The following SOX5 variants were observed in gnomAD, a reference collection of about 807,000 sequenced individuals.
SOX5 encodes the protein transcription factor SOX-5.
SOX5 carries 9 observed loss-of-function variants against 92.0 expected under a neutral mutation model. The observed-to-expected ratio is 0.10, with a 90% confidence interval of 0.06 to 0.17. SOX5 has a LOEUF of 0.17. Among genes scored for constraint, SOX5 ranks in the 10% least tolerant of loss-of-function variants. The pLI is 1.00. For missense variants in SOX5, 642 were observed against 944.5 expected, an observed-to-expected ratio of 0.68 and a Z score of 4.20; for synonymous variants, 344 against 336.3, an observed-to-expected ratio of 1.02 and a Z score of -0.25.
At chr12:24,047,361 G>C (rs112937799) in intron 4 of SOX5, among the ~76,000 whole-genome samples, 1 of 152,088 alleles carries the variant, frequency 6.6e-6, no homozygotes, top group Non-Finnish European at 1.5e-5. Context: ...GAAGCAAAAA[G>C]GATTGAGGTT....
At chr12:23,586,643 CT>C (rs112567903) in intron 9 of SOX5, among the ~76,000 whole-genome samples, 35,783 of 145,084 alleles carry the variant, frequency 0.25, 4,820 homozygotes, top group East Asian at 0.35. Context: ...CCTTAGACCA[CT>C]TTTTTTTTTT....
At chr12:23,674,925 CATAG>C (rs1226070870) in intron 6 of SOX5, among the ~76,000 whole-genome samples, 1 of 152,010 alleles carries the variant, frequency 6.6e-6, no homozygotes, top group African/African-American at 2.4e-5. Context: ...GGATATTTAA[CATAG>C]TAATTGCCAT....
intron 1 of SOX5, among the ~76,000 whole-genome samples, chr12:24,497,269 A>T (rs911803058): frequency 1.3e-5 from 2 of 152,224 alleles, no homozygotes; most frequent in African/African-American, 4.8e-5. Context: ...TACAAGGGGA[A>T]AAAAAGCAGA....
intron 4 of SOX5, among the ~76,000 whole-genome samples, chr12:24,176,481 C>T (rs7298474): frequency 0.4 from 60,648 of 152,060 alleles, 12,709 homozygotes; most frequent in Middle Eastern, 0.48. Context: ...ATACATAGTA[C>T]TTTGTCTTAA....
chr12:23,799,420 A>G (rs893889639), intron 3 of SOX5, among the ~76,000 whole-genome samples: 2 of 152,078 alleles, frequency 1.3e-5, no homozygotes, highest in African/African-American at 4.8e-5. Context: ...AATGTAGCCA[A>G]ATCATTCTAA....
intron 6 of SOX5, among the ~76,000 whole-genome samples, chr12:23,710,684 A>G (rs2091962449): frequency 6.6e-6 from 1 of 152,222 alleles, no homozygotes; most frequent in Non-Finnish European, 1.5e-5. Flanking sequence ...TATTGTGAAT[A>G]GTGCCACAAT....
chr12:24,439,367 A>T (rs917851576), intron 1 of SOX5, among the ~76,000 whole-genome samples: 3 of 152,186 alleles, frequency 2.0e-5, no homozygotes, highest in Non-Finnish European at 4.4e-5. Flanking sequence ...AACTGAACTT[A>T]TGATGTCTCT....
chr12:23,951,129 C>G (rs1020133318), upstream of SOX5: 1 of 464,240 alleles, frequency 2.2e-6, no homozygotes, highest in African/African-American at 1.9e-5. Context: ...GAGGGCAGGT[C>G]AGTTGATTAG....
chr12:24,473,758 C>A (rs558722256), intron 1 of SOX5, among the ~76,000 whole-genome samples: 1 of 152,260 alleles, frequency 6.6e-6, no homozygotes, highest in East Asian at 1.9e-4. Context: ...AAAGGTCTGG[C>A]CTCTCTAGTC....
intron 2 of SOX5, among the ~76,000 whole-genome samples, chr12:24,304,004 C>T (rs1948288299): frequency 6.6e-6 from 1 of 152,002 alleles, no homozygotes; most frequent in Non-Finnish European, 1.5e-5. Flanking sequence ...TGGTTCTTTC[C>T]AATACTAATG....
At chr12:23,774,859 A>C (rs919036183) in intron 3 of SOX5, among the ~76,000 whole-genome samples, 2 of 152,222 alleles carry the variant, frequency 1.3e-5, no homozygotes, top group Non-Finnish European at 2.9e-5. Flanking sequence ...CAGATATTTA[A>C]GTTTTAAAAA....
At chr12:23,777,192 A>G (rs2095130688) in intron 3 of SOX5, among the ~76,000 whole-genome samples, 1 of 152,174 alleles carries the variant, frequency 6.6e-6, no homozygotes, top group Non-Finnish European at 1.5e-5. Context: ...ATTACATAGG[A>G]TTTGGAGATC....
At chr12:24,395,354 G>C (rs1959646223) in intron 1 of SOX5, among the ~76,000 whole-genome samples, 2 of 152,186 alleles carry the variant, frequency 1.3e-5, no homozygotes, top group African/African-American at 2.4e-5. Context: ...GAAATTTTGA[G>C]AGAAGAGTTA....
At chr12:23,647,062 G>A (rs997958645) in intron 7 of SOX5, among the ~76,000 whole-genome samples, 18 of 152,172 alleles carry the variant, frequency 1.2e-4, no homozygotes, top group Admixed American at 2.0e-4. Context: ...CACTGTGGCA[G>A]TGACAGGTTA....
intron 4 of SOX5, among the ~76,000 whole-genome samples, chr12:24,087,186 T>G (rs1413487659): frequency 6.6e-6 from 1 of 152,028 alleles, no homozygotes; most frequent in African/African-American, 2.4e-5. Context: ...CTCTTTATAT[T>G]TTAGAATTGC....
chr12:23,691,894 G>A (rs951699872), intron 6 of SOX5, among the ~76,000 whole-genome samples: 4 of 151,824 alleles, frequency 2.6e-5, no homozygotes, highest in Non-Finnish European at 5.9e-5. Flanking sequence ...CTTCTTCCTA[G>A]TTTTTTGTTG....
chr12:23,704,502 C>T (rs983805844), intron 6 of SOX5, among the ~76,000 whole-genome samples: 1 of 151,180 alleles, frequency 6.6e-6, no homozygotes, highest in African/African-American at 2.4e-5. Flanking sequence ...TTTCTACTAC[C>T]TTGTATGACT....
At chr12:23,978,050 C>A (rs551578754) in intron 4 of SOX5, among the ~76,000 whole-genome samples, 10 of 152,204 alleles carry the variant, frequency 6.6e-5, no homozygotes, top group Non-Finnish European at 1.0e-4. Context: ...TTAAATGACA[C>A]CTTACTGGAG....
At chr12:23,964,510 T>C (rs1333656527) in intron 4 of SOX5, among the ~76,000 whole-genome samples, 2 of 152,190 alleles carry the variant, frequency 1.3e-5, no homozygotes, top group African/African-American at 4.8e-5. Context: ...GTATACAGCA[T>C]ACCCACATCT....
Sources: allele counts gnomAD v4.1 joint callset (sites outside exome capture counted in the v4.1 genomes callset), GRCh38; gene constraint gnomAD v4.1.1; transcripts MANE v1.5; gene names NCBI Gene and HGNC (gene_info 2026-07-23, HGNC 2026-07-21).